The following PRKAR2A variants were observed in gnomAD, a reference collection of about 807,000 sequenced individuals.
PRKAR2A encodes cAMP-dependent protein kinase type II-alpha regulatory subunit.
A neutral mutation model predicts 51.9 loss-of-function variants in PRKAR2A; 29 were observed. The observed-to-expected ratio is 0.56, with a 90% confidence interval of 0.42 to 0.76. The LOEUF is 0.76. PRKAR2A is among the 30% of genes least tolerant of loss of function. The pLI is 0.00. For missense variants in PRKAR2A, 445 were observed against 512.1 expected, an observed-to-expected ratio of 0.87 and a Z score of 1.26; for synonymous variants, 178 against 186.2, an observed-to-expected ratio of 0.96 and a Z score of 0.36.
At chr3:48,775,300 G>A (rs573058482) in intron 5 of PRKAR2A, among the ~76,000 whole-genome samples, 3 of 151,582 alleles carry the variant, frequency 2.0e-5, no homozygotes, top group South Asian at 4.2e-4. Flanking sequence ...TTAGCTGGGC[G>A]GGTAGCGGGT....
intron 1 of PRKAR2A, among the ~76,000 whole-genome samples, chr3:48,813,555 G>A (rs888494684): frequency 3.3e-5 from 5 of 152,186 alleles, no homozygotes; most frequent in Middle Eastern, 3.4e-3. Flanking sequence ...TTAGCCAGGC[G>A]TGGTGGCACG....
intron 9 of PRKAR2A, 68 bp downstream of exon 9, chr3:48,756,311 T>C: frequency 7.2e-7 from 1 of 1,392,752 alleles, no homozygotes; most frequent in Non-Finnish European, 1.0e-6. Context: ...TTCAACACAC[T>C]TCACATTATT....
rs1441155298 is a variant in PRKAR2A, at chr3:48,746,972, A to G, written c.*4613T>C. On this transcript the variant is annotated 3_prime_UTR_variant, in exon 11 of 11. Coordinates refer to ENST00000265563, the MANE Select transcript of PRKAR2A (RefSeq NM_004157.4). ...AGCTTAAAAAAACAACACGGAATCT[A>G]CCCTTTGCTCAAGGTGGGCTAAATG... 1 of 148,622 alleles carries G rather than the reference A, an allele frequency of 6.7e-6. No homozygotes were observed. The highest frequency in any genetic ancestry group is 1.5e-5 in the Non-Finnish European group (1 of 67,462). The allele number at this position is 148,622 out of a possible 1,614,324, so 9.2% of individuals were successfully genotyped here. A position where few individuals can be genotyped will look rare whatever the true frequency, so the allele number is the denominator to read the frequency against.
In PRKAR2A at chr3:48,767,707, A is replaced by G. The variant is rs191368422; in HGVS notation, c.697-2358T>C. Among the ~76,000 whole-genome samples the G allele has an allele frequency of 3.6e-4, 54 of 150,662 alleles. No individual in the cohort carries two copies. The East Asian group carries it at 0.011, about 30-fold the overall frequency. On this transcript the variant is annotated intron_variant, in intron 6 of 10. Coordinates refer to ENST00000265563, the MANE Select transcript of PRKAR2A (RefSeq NM_004157.4). Reference sequence around the variant, plus strand: ...TGGGAGGCTGAGGCGGGTGGATCACAAGGTCAGGAGATCGAGACCATCCTG... The same window carrying G: ...TGGGAGGCTGAGGCGGGTGGATCACGAGGTCAGGAGATCGAGACCATCCTG...
At chr3:48,791,106 G>A (rs1286925309) in intron 3 of PRKAR2A, among the ~76,000 whole-genome samples, 1 of 151,868 alleles carries the variant, frequency 6.6e-6, no homozygotes, top group Non-Finnish European at 1.5e-5. Context: ...GGCCAACGTG[G>A]TAAAACCCTG....
At chr3:48,845,863 T>A (rs2083453195) in intron 1 of PRKAR2A, among the ~76,000 whole-genome samples, 1 of 151,880 alleles carries the variant, frequency 6.6e-6, no homozygotes, top group African/African-American at 2.4e-5. Flanking sequence ...GGAGGATACC[T>A]TGAGCTTGTG....
chr3:48,808,658 G>GT (rs2082720215), intron 1 of PRKAR2A, among the ~76,000 whole-genome samples: 2 of 84,670 alleles, frequency 2.4e-5, no homozygotes, highest in Admixed American at 2.1e-4. Flanking sequence ...GATTACAGGC[G>GT]TGAGCCACCG....
chr3:48,780,091 G>A (rs1212175614), intron 5 of PRKAR2A, among the ~76,000 whole-genome samples: 8 of 151,554 alleles, frequency 5.3e-5, no homozygotes, highest in Non-Finnish European at 8.8e-5. Context: ...CCTGGGAGGC[G>A]GGGGTTGCAG....
chr3:48,800,932 CAA>C (rs1313359864), intron 2 of PRKAR2A, among the ~76,000 whole-genome samples: 1 of 152,164 alleles, frequency 6.6e-6, no homozygotes, highest in Non-Finnish European at 1.5e-5. Context: ...CTCAGCCTCT[CAA>C]AGTGCTGGGA....
At chr3:48,768,370 G>GAC (rs528135300) in intron 6 of PRKAR2A, among the ~76,000 whole-genome samples, 12 of 151,104 alleles carry the variant, frequency 7.9e-5, no homozygotes, top group South Asian at 6.3e-4. Flanking sequence ...CAGACAGACA[G>GAC]ACACACACAC....
intron 6 of PRKAR2A, among the ~76,000 whole-genome samples, chr3:48,769,499 G>A (rs560025271): frequency 6.7e-6 from 1 of 150,152 alleles, no homozygotes; most frequent in Non-Finnish European, 1.5e-5. Context: ...TTTTTGAGAT[G>A]GAGTTTCGTT....
chr3:48,790,679 C>T, intron 3 of PRKAR2A, 52 bp from the exon 4 acceptor site: 1 of 1,152,852 alleles, frequency 8.7e-7, no homozygotes, highest in East Asian at 2.8e-5. Context: ...TTTAAAATAA[C>T]CACTTAAAGA....
intron 2 of PRKAR2A, among the ~76,000 whole-genome samples, chr3:48,800,979 G>A (rs1331014099): frequency 2.0e-5 from 3 of 151,134 alleles, no homozygotes; most frequent in Non-Finnish European, 4.4e-5. Flanking sequence ...AGCCAGGCAC[G>A]GCTTTTCTTT....
At chr3:48,757,983 G>GAGGC (rs1363126985) in intron 8 of PRKAR2A, among the ~76,000 whole-genome samples, 1 of 152,070 alleles carries the variant, frequency 6.6e-6, no homozygotes, top group Admixed American at 6.6e-5. Context: ...TTGAACCCGG[G>GAGGC]AGGCAGAGGT....
Position 48,844,831 on chromosome 3 carries a change from C to A in PRKAR2A, c.262+2504G>T, listed in dbSNP as rs529253270. 4.3e-5 allele frequency among the ~76,000 whole-genome samples: 5 copies of A among 117,424 alleles called. No individual in the cohort carries two copies. In the South Asian group the frequency reaches 1.4e-3, roughly 34 times the overall value. 77.0% of individuals were successfully genotyped at this position (117,424 alleles called of 152,430 possible). A position where few individuals can be genotyped will look rare whatever the true frequency, so the allele number is the denominator to read the frequency against. ...GAAGGGGAACATCACACTCTGGGGACTGTTGTGGGGTGGGGGGAGGGATAG... is the reference window on the plus strand; with the variant it reads ...GAAGGGGAACATCACACTCTGGGGAATGTTGTGGGGTGGGGGGAGGGATAG... On this transcript the variant is annotated intron_variant, in intron 1 of 10. Transcript: ENST00000265563.
At chr3:48,845,358 A>T (rs2083445343) in intron 1 of PRKAR2A, among the ~76,000 whole-genome samples, 1 of 152,156 alleles carries the variant, frequency 6.6e-6, no homozygotes, top group Non-Finnish European at 1.5e-5. Context: ...ACTTAGGGAG[A>T]TTGCCCAGTG....
chr3:48,800,725 C>G (rs1162919538), intron 2 of PRKAR2A, among the ~76,000 whole-genome samples: 1 of 151,742 alleles, frequency 6.6e-6, no homozygotes, highest in East Asian at 2.0e-4. Flanking sequence ...GGCTGGAGTA[C>G]AGCGGCGCAA....
At chr3:48,785,012 T>C (rs1372101087) in intron 4 of PRKAR2A, among the ~76,000 whole-genome samples, 1 of 152,146 alleles carries the variant, frequency 6.6e-6, no homozygotes, top group Admixed American at 6.5e-5. Context: ...GAGTATGGAC[T>C]GTTGTTAGGT....
intron 2 of PRKAR2A, among the ~76,000 whole-genome samples, chr3:48,806,471 A>G (rs1390554827): frequency 6.6e-6 from 1 of 152,182 alleles, no homozygotes; most frequent in Non-Finnish European, 1.5e-5. Flanking sequence ...TCTCAGGAAC[A>G]ATCATTGTTT....
Sources: gnomAD v4.1 joint callset for allele counts (sites outside exome capture counted in the v4.1 genomes callset) on GRCh38, gnomAD v4.1.1 for gene constraint, MANE v1.5 for transcripts, NCBI Gene and HGNC (gene_info 2026-07-23, HGNC 2026-07-21) for gene names.